The following DGKB variants were observed in gnomAD, a reference collection of about 807,000 sequenced individuals.
The protein encoded by DGKB is 90 kDa diacylglycerol kinase.
Under a neutral mutation model 114.3 loss-of-function variants are expected in DGKB, and 67 were observed. The observed-to-expected ratio is 0.59, with a 90% CI of 0.48 to 0.72. DGKB has a LOEUF of 0.72. Among genes scored for constraint, DGKB ranks in the 30% least tolerant of loss-of-function variants. DGKB has a pLI of 0.00. For synonymous variants in DGKB, 398 were observed against 323.1 expected (o/e 1.23, Z -2.49); for missense variants, 907 against 975.2 (o/e 0.93, Z 0.93).
chr7:14,835,423 C>T (rs772856125), intron 2 of DGKB, among the ~76,000 whole-genome samples: 1 of 152,180 alleles, frequency 6.6e-6, no homozygotes, highest in Non-Finnish European at 1.5e-5. Context: ...TACATCACAG[C>T]ACTAGCCTTC....
At chr7:14,796,854 G>A (rs76226639) in intron 2 of DGKB, among the ~76,000 whole-genome samples, 2 of 151,956 alleles carry the variant, frequency 1.3e-5, no homozygotes, top group African/African-American at 2.4e-5. Context: ...CAAGAATTTT[G>A]ATAGGAAATC....
chr7:14,777,532 T>G (rs1838385974), intron 2 of DGKB, among the ~76,000 whole-genome samples: 1 of 152,110 alleles, frequency 6.6e-6, no homozygotes, highest in African/African-American at 2.4e-5. Flanking sequence ...ATCTGATGGT[T>G]TAATAAGGGG....
chr7:14,924,142 G>C lies in DGKB; in HGVS notation c.-188+50554C>G, dbSNP rs1406933673. Among the ~76,000 whole-genome samples the C allele has an allele frequency of 3.9e-5, 6 of 151,914 alleles. 1 individual carries two copies. The highest frequency in any genetic ancestry group is 3.9e-4 in the Admixed American group (6 of 15,244). ...TAACTGTTTAGTTTCTTGGTTTTGT[G>C]GATTTCTATTTTTGTTATAGAATTG... is the stretch of plus-strand genomic sequence containing the variant. On this transcript the variant is annotated intron_variant, in intron 1 of 4. Coordinates refer to the DGKB transcript ENST00000437998.
intron 4 of DGKB, among the ~76,000 whole-genome samples, chr7:14,748,826 T>C (rs1284343835): frequency 6.6e-6 from 1 of 152,172 alleles, no homozygotes; most frequent in Non-Finnish European, 1.5e-5. Context: ...AATTAATAAG[T>C]GACTCCTAAA....
chr7:14,613,475 T>C, intron 15 of DGKB, 62 bp from the exon 16 acceptor site: 1 of 813,184 alleles, frequency 1.2e-6, no homozygotes, highest in East Asian at 2.7e-5. Context: ...AGAAGACTCC[T>C]TGTTATTTCT....
chr7:14,867,294 T>C (rs1851833131), intron 1 of DGKB, among the ~76,000 whole-genome samples: 1 of 152,182 alleles, frequency 6.6e-6, no homozygotes, highest in Non-Finnish European at 1.5e-5. Context: ...TGAAAAGTCA[T>C]TACCATATTC....
At chr7:14,784,330 CT>C (rs1307602422) in intron 2 of DGKB, among the ~76,000 whole-genome samples, 1 of 149,234 alleles carries the variant, frequency 6.7e-6, no homozygotes. Context: ...ATATAAACAC[CT>C]TTTTGACCAT....
chr7:14,956,457 C>T (rs184892144), intron 1 of DGKB, among the ~76,000 whole-genome samples: 1 of 152,034 alleles, frequency 6.6e-6, no homozygotes, highest in African/African-American at 2.4e-5. Context: ...TTTTAGGAAG[C>T]CTTTGTTAAA....
intron 13 of DGKB, among the ~76,000 whole-genome samples, chr7:14,643,274 T>C (rs1372669533): frequency 2.0e-5 from 3 of 152,100 alleles, no homozygotes; most frequent in African/African-American, 4.8e-5. Flanking sequence ...TCTGGAATCC[T>C]AGGGAGAGAA....
chr7:14,528,675 T>C (rs774704804), intron 20 of DGKB, among the ~76,000 whole-genome samples: 1 of 151,950 alleles, frequency 6.6e-6, no homozygotes, highest in African/African-American at 2.4e-5. Context: ...AAAAAAACTA[T>C]CAAGACATTA....
chr7:14,425,211 A>G (rs1316795120), intron 21 of DGKB, among the ~76,000 whole-genome samples: 2 of 152,106 alleles, frequency 1.3e-5, no homozygotes, highest in Non-Finnish European at 2.9e-5. Flanking sequence ...TCCATGCTTG[A>G]TCATTGAATT....
chr7:14,635,413 A>C, intron 13 of DGKB, among the ~76,000 whole-genome samples: 1 of 151,480 alleles, frequency 6.6e-6, no homozygotes, highest in East Asian at 2.0e-4. Context: ...GCAATGGAGA[A>C]AAATGGAGAC....
chr7:14,212,378 T>C lies in DGKB; in HGVS notation c.2123-34227A>G, dbSNP rs561378195. On this transcript the variant is annotated intron_variant, in intron 23 of 25. Transcript: ENST00000402815. ...CATGTTTTGTGATTTTACTCTCGTG[T>C]TTTGTGATATTTACTCTCATGTTTT... 9.0e-5 allele frequency among the ~76,000 whole-genome samples: 5 copies of C among 55,458 alleles called. 2 individuals are homozygous for C. The East Asian group carries it at 1.7e-3, about 19-fold the overall frequency. 36.4% of individuals were successfully genotyped at this position (55,458 alleles called of 152,430 possible).
rs71846844 is a variant in DGKB, at chr7:14,304,087, A to ACTCT, written c.2122+34424_2122+34427dup. 7.4e-4 allele frequency among the ~76,000 whole-genome samples: 82 copies of ACTCT among 110,094 alleles called. 1 individual carries two copies. The highest frequency in any genetic ancestry group is 9.1e-4 in the African/African-American group (25 of 27,514). The allele number at this position is 110,094 out of a possible 152,430, so 72.2% of individuals were successfully genotyped here. On this transcript the variant is annotated intron_variant, in intron 23 of 25. Transcript: ENST00000402815. ...CACACACACACACACACACACACAC[A>ACTCT]CTCTCTCTCTCTCACCCCTACCTCA...
intron 17 of DGKB, among the ~76,000 whole-genome samples, chr7:14,584,488 TTAA>T (rs928943532): frequency 5.3e-5 from 8 of 152,136 alleles, no homozygotes; most frequent in African/African-American, 1.7e-4. Context: ...TGATATGTCT[TTAA>T]TAATAAGTGA....
chr7:14,239,613 AAG>A (rs908055554), intron 23 of DGKB, among the ~76,000 whole-genome samples: 1 of 152,014 alleles, frequency 6.6e-6, no homozygotes, highest in Non-Finnish European at 1.5e-5. Context: ...GATAGGAAAA[AAG>A]AGAGTAATAA....
chr7:14,891,802 C>G (rs1781270702), intron 1 of DGKB, among the ~76,000 whole-genome samples: 1 of 151,264 alleles, frequency 6.6e-6, no homozygotes, highest in Admixed American at 6.6e-5. Context: ...GGTGGCAGGG[C>G]TCTGTAAGAA....
intron 21 of DGKB, among the ~76,000 whole-genome samples, chr7:14,467,081 T>C (rs139030610): frequency 0.021 from 3,207 of 152,054 alleles, 57 homozygotes; most frequent in Non-Finnish European, 0.036. Flanking sequence ...GAAAGTTGTA[T>C]ATACATGTAC....
At chr7:14,721,100 C>T (rs1829095568) in intron 5 of DGKB, among the ~76,000 whole-genome samples, 1 of 152,056 alleles carries the variant, frequency 6.6e-6, no homozygotes, top group Admixed American at 6.6e-5. Context: ...ATTTAATCAG[C>T]TTGATTTAAC....
Sources: allele counts gnomAD v4.1 joint callset (sites outside exome capture counted in the v4.1 genomes callset), GRCh38; gene constraint gnomAD v4.1.1; transcripts MANE v1.5; gene names NCBI Gene and HGNC (gene_info 2026-07-23, HGNC 2026-07-21).